TASP1: variants seen among roughly 807,000 people sequenced by gnomAD.
TASP1 encodes the protein threonine aspartase 1.
In TASP1, 16 loss-of-function variants were observed where a neutral mutation model predicts 56.6. The ratio of observed to expected loss-of-function variants is 0.28; its 90% CI spans 0.19 to 0.43. The LOEUF is 0.43. Among genes scored for constraint, TASP1 ranks in the 20% least tolerant of loss-of-function variants. TASP1 has a pLI of 1.00. For missense variants in TASP1, 393 were observed against 511.6 expected (o/e 0.77, Z 2.24); for synonymous variants, 179 against 184.2 (o/e 0.97, Z 0.23).
At chr20:13,234,801 C>A in the TASP1 span, among the ~76,000 whole-genome samples, 4 of 152,040 alleles carry the variant, frequency 2.6e-5, no homozygotes, top group African/African-American at 9.7e-5. Context: ...TTAACGAGGT[C>A]ATTTGGTTTT....
intron 4 of TASP1, among the ~76,000 whole-genome samples, chr20:13,587,927 AC>A (rs1425391029): frequency 6.6e-6 from 1 of 152,018 alleles, no homozygotes; most frequent in Non-Finnish European, 1.5e-5. Flanking sequence ...GCTGTTCAAG[AC>A]CACTCTGGGC....
chr20:13,321,781 T>C, the TASP1 span, among the ~76,000 whole-genome samples: 2 of 152,234 alleles, frequency 1.3e-5, no homozygotes, highest in African/African-American at 2.4e-5. Context: ...TCACATCTTT[T>C]CTTTTCATGT....
At chr20:13,260,602 G>GTT in the TASP1 span, among the ~76,000 whole-genome samples, 57 of 145,228 alleles carry the variant, frequency 3.9e-4, no homozygotes, top group African/African-American at 9.8e-4. Context: ...ATAAAGTGGA[G>GTT]TTTTTTTTTT....
chr20:13,519,702 A>G (rs1191641237), intron 10 of TASP1, among the ~76,000 whole-genome samples: 1 of 152,178 alleles, frequency 6.6e-6, no homozygotes, highest in African/African-American at 2.4e-5. Flanking sequence ...TTCCCTTTGA[A>G]AATTGGCACA....
At chr20:13,550,455 T>C (rs2045944852) in intron 8 of TASP1, among the ~76,000 whole-genome samples, 1 of 152,044 alleles carries the variant, frequency 6.6e-6, no homozygotes. Flanking sequence ...GAGGCAAATG[T>C]AATTTTCAGT....
chr20:13,288,706 C>A, the TASP1 span: 2 of 1,596,708 alleles, frequency 1.3e-6, no homozygotes, highest in Non-Finnish European at 1.7e-6. Flanking sequence ...GAGTGTGTAG[C>A]TCCAAGTTCA....
intron 10 of TASP1, among the ~76,000 whole-genome samples, chr20:13,511,236 G>C (rs1438190186): frequency 6.6e-6 from 1 of 151,042 alleles, no homozygotes; most frequent in Non-Finnish European, 1.5e-5. Flanking sequence ...ATCTTTTTGT[G>C]ATGAGTTTTC....
the TASP1 span, among the ~76,000 whole-genome samples, chr20:13,356,738 C>G: frequency 6.6e-6 from 1 of 152,170 alleles, no homozygotes; most frequent in Non-Finnish European, 1.5e-5. Flanking sequence ...AAAGGCCTGC[C>G]TTAAACCACT....
chr20:13,498,329 T>TGTGTGTG (rs2043806575), intron 10 of TASP1, among the ~76,000 whole-genome samples: 1 of 115,940 alleles, frequency 8.6e-6, no homozygotes, highest in Non-Finnish European at 1.8e-5. Context: ...TTTTCTTTTC[T>TGTGTGTG]TTTGTGTGTG....
chr20:13,459,552 T>G (rs142742016), intron 11 of TASP1, among the ~76,000 whole-genome samples: 14 of 152,300 alleles, frequency 9.2e-5, no homozygotes, highest in Admixed American at 2.6e-4. Flanking sequence ...ATGCTGACCA[T>G]GCCTTCTTTA....
At chr20:13,591,540 G>A (rs925338176) in intron 4 of TASP1, among the ~76,000 whole-genome samples, 3 of 152,006 alleles carry the variant, frequency 2.0e-5, no homozygotes, top group African/African-American at 7.2e-5. Context: ...TAAAAATTGG[G>A]ATAATTTTTC....
chr20:13,280,403 C>A, the TASP1 span, among the ~76,000 whole-genome samples: 12,691 of 129,238 alleles, frequency 0.098, 748 homozygotes, highest in Non-Finnish European at 0.13. Flanking sequence ...CCCCCCCCCC[C>A]AATACATTTC....
At chr20:13,190,490 T>C in the TASP1 span, among the ~76,000 whole-genome samples, 1 of 152,000 alleles carries the variant, frequency 6.6e-6, no homozygotes, top group Non-Finnish European at 1.5e-5. Flanking sequence ...GAAGGGACAG[T>C]CTCCTCAGTG....
intron 10 of TASP1, among the ~76,000 whole-genome samples, chr20:13,489,460 T>C (rs572054781): frequency 1.3e-5 from 2 of 151,770 alleles, no homozygotes; most frequent in East Asian, 1.9e-4. Context: ...CACAGCAGCA[T>C]GACTGAGGGG....
chr20:13,155,036 G>T, the TASP1 span, among the ~76,000 whole-genome samples: 2 of 151,858 alleles, frequency 1.3e-5, no homozygotes, highest in African/African-American at 4.8e-5. Context: ...CAAAAATTAG[G>T]TGGGCATGGT....
At chr20:13,138,811 T>C in the TASP1 span, among the ~76,000 whole-genome samples, 1 of 152,200 alleles carries the variant, frequency 6.6e-6, no homozygotes, top group African/African-American at 2.4e-5. Context: ...CACCATCAGA[T>C]ATGGAGGTGA....
chr20:13,482,031 G>C (rs536044172), intron 11 of TASP1, among the ~76,000 whole-genome samples: 1 of 152,194 alleles, frequency 6.6e-6, no homozygotes, highest in African/African-American at 2.4e-5. Context: ...GTGCTTTCTT[G>C]TAGTAGTTTC....
chr20:13,545,164 AAAAG>A (rs1431759497), intron 8 of TASP1, among the ~76,000 whole-genome samples: 16 of 152,232 alleles, frequency 1.1e-4, no homozygotes, highest in African/African-American at 2.9e-4. Context: ...TTGAAAAGCA[AAAAG>A]AAAGAAATAG....
At chr20:13,268,347 CCTCTCTCTCTCTCTCTCTCTCTCTCTCT>C in the TASP1 span, among the ~76,000 whole-genome samples, 1,081 of 66,674 alleles carry the variant, frequency 0.016, 17 homozygotes, top group Non-Finnish European at 0.02. Context: ...CCTTCTTCTT[CCTCTCTCTCTCTCTCTCTCTCTCTCTCT>C]CTCTCTCTCT....
Sources: gnomAD v4.1 joint callset for allele counts (sites outside exome capture counted in the v4.1 genomes callset) on GRCh38, gnomAD v4.1.1 for gene constraint, MANE v1.5 for transcripts, NCBI Gene and HGNC (gene_info 2026-07-23, HGNC 2026-07-21) for gene names.